CACUL1: variants seen among roughly 807,000 people sequenced by gnomAD.
CACUL1 encodes the protein CDK2-associated and cullin domain-containing protein 1.
In CACUL1, 13 loss-of-function variants were observed where a neutral mutation model predicts 45.2. The observed-to-expected ratio is 0.29, with a 90% CI of 0.19 to 0.46. The LOEUF (loss-of-function observed/expected upper bound fraction) is 0.46, where lower values mean the gene tolerates loss of function less well. Among genes scored for constraint, CACUL1 ranks in the 20% least tolerant of loss-of-function variants. The probability of loss-of-function intolerance (pLI) is 1.00; values close to 1 mark genes in which losing one functional copy is unlikely to be tolerated. For synonymous variants in CACUL1, 197 were observed against 174.2 expected (o/e 1.13, Z -1.03); for missense variants, 421 against 471.4 (o/e 0.89, Z 0.99).
intron 5 of CACUL1, among the ~76,000 whole-genome samples, chr10:118,700,642 G>A (rs936565796): frequency 6.7e-6 from 1 of 149,734 alleles, no homozygotes; most frequent in South Asian, 2.1e-4. Flanking sequence ...GCGTGAACCC[G>A]AGAGGCAGAG....
chr10:118,742,378 G>A lies in CACUL1; in HGVS notation c.368-11968C>T, dbSNP rs74695885. On this transcript the variant is annotated intron_variant, in intron 1 of 8. Transcript: ENST00000369151. ...TACAATGTGAATACATATGGTCTAC[G>A]GTTTACAGAGTTTACAGTAAATAAA... Among the ~76,000 whole-genome samples the A allele has an allele frequency of 1.3e-3, 197 of 152,230 alleles. 1 individual carries two copies. Among genetic ancestry groups the A allele is most frequent in the African/African-American group, 4.5e-3 (187 of 41,544 alleles).
chr10:118,733,505 T>C (rs1845716178), intron 1 of CACUL1, among the ~76,000 whole-genome samples: 1 of 152,110 alleles, frequency 6.6e-6, no homozygotes, highest in Non-Finnish European at 1.5e-5. Flanking sequence ...AAAATGACAA[T>C]CCAGGAAACT....
chr10:118,695,671 T>C (rs1845315397), intron 5 of CACUL1, among the ~76,000 whole-genome samples: 1 of 152,222 alleles, frequency 6.6e-6, no homozygotes, highest in Non-Finnish European at 1.5e-5. Context: ...ACAAATGCTA[T>C]AGCTACATCT....
intron 5 of CACUL1, among the ~76,000 whole-genome samples, chr10:118,700,541 C>T (rs1020828261): frequency 1.3e-5 from 2 of 151,882 alleles, no homozygotes; most frequent in Non-Finnish European, 2.9e-5. Context: ...CATGGTGAAA[C>T]CCCATCTCTA....
intron 1 of CACUL1, among the ~76,000 whole-genome samples, chr10:118,740,053 G>A (rs1425628333): frequency 1.1e-4 from 16 of 152,088 alleles, no homozygotes; most frequent in African/African-American, 3.6e-4. Context: ...AGACTGAGGT[G>A]GGAGGATCGC....
intron 3 of CACUL1, among the ~76,000 whole-genome samples, chr10:118,709,524 TG>T (rs1275914473): frequency 6.6e-6 from 1 of 152,176 alleles, no homozygotes; most frequent in East Asian, 1.9e-4. Flanking sequence ...GTCAGAGTGT[TG>T]GGGGACGAGC....
chr10:118,732,199 G>A (rs1283614490), intron 1 of CACUL1, among the ~76,000 whole-genome samples: 1 of 152,194 alleles, frequency 6.6e-6, no homozygotes, highest in Non-Finnish European at 1.5e-5. Flanking sequence ...CTGATATGGG[G>A]TTGGGCCAGA....
At chr10:118,702,504 A>T (rs1428484271) in intron 4 of CACUL1, among the ~76,000 whole-genome samples, 2 of 152,176 alleles carry the variant, frequency 1.3e-5, no homozygotes, top group Non-Finnish European at 2.9e-5. Flanking sequence ...ATTTACTTAA[A>T]TCACTTTGAA....
intron 3 of CACUL1, among the ~76,000 whole-genome samples, chr10:118,710,363 A>G (rs1845473435): frequency 6.6e-6 from 1 of 152,196 alleles, no homozygotes; most frequent in South Asian, 2.1e-4. Flanking sequence ...AACTCAAAGC[A>G]TGATCAATCC....
At chr10:118,715,294 C>T (rs997103566) in intron 3 of CACUL1, among the ~76,000 whole-genome samples, 8 of 152,320 alleles carry the variant, frequency 5.3e-5, no homozygotes, top group African/African-American at 1.7e-4. Flanking sequence ...ACCACACCTT[C>T]ACAGAAGGGA....
chr10:118,722,469 G>A (rs1221297060), intron 3 of CACUL1, among the ~76,000 whole-genome samples: 1 of 152,036 alleles, frequency 6.6e-6, no homozygotes. Context: ...TCCTGCCTGA[G>A]ATATCTGTCA....
In CACUL1 at chr10:118,754,413, G is replaced by GTGTTGA; in HGVS notation, c.344_349dup (p.Ile115_Asn116dup). On this transcript the variant is annotated inframe_insertion, in exon 1 of 9. Transcript: ENST00000369151. ...GGACTCACAGAACTTGGAGGTGGAG[G>GTGTTGA]TGTTGATGTTGATGGTGGAGCTGGC... is the stretch of plus-strand genomic sequence containing the variant. 1.9e-6 allele frequency: 3 copies of GTGTTGA among 1,583,140 alleles called. No homozygotes were observed. Among genetic ancestry groups the GTGTTGA allele is most frequent in the Non-Finnish European group, 2.6e-6 (3 of 1,166,068 alleles).
chr10:118,742,795 A>G (rs1341021102), intron 1 of CACUL1, among the ~76,000 whole-genome samples: 1 of 152,206 alleles, frequency 6.6e-6, no homozygotes, highest in Non-Finnish European at 1.5e-5. Flanking sequence ...TCCCAAGGGA[A>G]CAAGTACCAA....
At chr10:118,687,805 T>C (rs1028201152) in intron 7 of CACUL1, among the ~76,000 whole-genome samples, 1 of 152,188 alleles carries the variant, frequency 6.6e-6, no homozygotes, top group Admixed American at 6.6e-5. Flanking sequence ...TGTCCACTCA[T>C]AGGACTTACT....
chr10:118,688,631 G>A (rs528733936), intron 7 of CACUL1, among the ~76,000 whole-genome samples: 1 of 152,228 alleles, frequency 6.6e-6, no homozygotes, highest in South Asian at 2.1e-4. Context: ...GGCGTCACCT[G>A]CTCAGCTAAA....
chr10:118,729,222 T>TTC, intron 3 of CACUL1, 73 bp downstream of exon 3: 2 of 874,698 alleles, frequency 2.3e-6, no homozygotes, highest in Non-Finnish European at 3.8e-6. Context: ...CTTCCAAATG[T>TTC]GTATTAGAAA....
chr10:118,754,505 C>A lies in CACUL1; in HGVS notation c.258G>T (p.Gly86=). The A allele has an allele frequency of 6.2e-7, 1 of 1,613,358 alleles. No homozygotes were observed. The highest frequency in any genetic ancestry group is 8.5e-7 in the Non-Finnish European group (1 of 1,179,670). Residue 86 remains glycine, a synonymous_variant, in exon 1 of 9, where the codon GGG becomes GGT. Coordinates refer to ENST00000369151, the MANE Select transcript of CACUL1 (RefSeq NM_153810.5). ...CGCAGCTCTTCAACATCATGATCAC[C>A]CCATTAGCCTCCGGCGGTGGCTGCG... is the stretch of plus-strand genomic sequence containing the variant. ...MGPQPPPEAN[G]VIMMLKSCDA...
At chr10:118,700,848 G>A (rs1845372940) in intron 5 of CACUL1, among the ~76,000 whole-genome samples, 1 of 152,138 alleles carries the variant, frequency 6.6e-6, no homozygotes, top group Non-Finnish European at 1.5e-5. Flanking sequence ...GCCACAAGAG[G>A]CAAAGACGTT....
intron 5 of CACUL1, among the ~76,000 whole-genome samples, chr10:118,699,789 G>C (rs1009280250): frequency 6.6e-6 from 1 of 152,042 alleles, no homozygotes; most frequent in Admixed American, 6.5e-5. Flanking sequence ...GGGACTACAG[G>C]CGCCCGCCAC....
Sources: allele counts gnomAD v4.1 joint callset (sites outside exome capture counted in the v4.1 genomes callset), GRCh38; gene constraint gnomAD v4.1.1; transcripts MANE v1.5; gene names NCBI Gene and HGNC (gene_info 2026-07-23, HGNC 2026-07-21).